The following CSMD2 variants were observed in gnomAD, a reference collection of about 807,000 sequenced individuals.
CSMD2 encodes CUB and Sushi multiple domains 2, also known as CUB and sushi domain-containing protein 2.
In CSMD2, 130 loss-of-function variants were observed where a neutral mutation model predicts 398.5. The observed-to-expected ratio is 0.33, with a 90% CI of 0.28 to 0.38. CSMD2 has a LOEUF of 0.38. Ranked by LOEUF, CSMD2 falls within the 10% of genes least tolerant of loss-of-function variation. The pLI is 1.00. For missense variants in CSMD2, 3,829 were observed against 4,764.9 expected, an observed-to-expected ratio of 0.80 and a Z score of 5.78; for synonymous variants, 1,828 against 1,908.5, an observed-to-expected ratio of 0.96 and a Z score of 1.10.
At chr1:33,912,918 T>A (rs1643534830) in intron 5 of CSMD2, among the ~76,000 whole-genome samples, 1 of 152,180 alleles carries the variant, frequency 6.6e-6, no homozygotes, top group Non-Finnish European at 1.5e-5. Flanking sequence ...GCTCAGGTGA[T>A]CCTCCCACCT....
rs542200791 is a variant in CSMD2 at position 33,519,315 on chromosome 1, G to T, written c.*53+150C>A. 482 of 591,886 alleles carry T rather than the reference G, an allele frequency of 8.1e-4. 3 individuals carry two copies. The highest frequency in any genetic ancestry group is 9.0e-4 in the Middle Eastern group (2 of 2,210). 36.7% of individuals were successfully genotyped at this position (591,886 alleles called of 1,614,324 possible). On this transcript the variant is annotated intron_variant, in intron 70 of 70. Coordinates refer to ENST00000373381, the MANE Select transcript of CSMD2 (RefSeq NM_001281956.2). This position sits in a 1 kb window ranked among gnomAD's most constrained non-coding sequence, Gnocchi z 5.6. The stretch of plus-strand genomic sequence containing the variant: ...AGATCCACAAAGGGCCTGGTTCAGT[G>T]CCTGTTACACAATGATGCTCAATGC...
At chr1:33,806,040 T>G (rs759148256) in intron 10 of CSMD2, among the ~76,000 whole-genome samples, 1 of 152,040 alleles carries the variant, frequency 6.6e-6, no homozygotes, top group Non-Finnish European at 1.5e-5. Flanking sequence ...TCAATATAGC[T>G]TCACTTTTCA....
At chr1:33,711,193 G>T (rs565022317) in intron 21 of CSMD2, among the ~76,000 whole-genome samples, 9 of 152,224 alleles carry the variant, frequency 5.9e-5, no homozygotes, top group Non-Finnish European at 1.3e-4. Flanking sequence ...GGATTTGTCG[G>T]GGGGAGGGGG....
intron 49 of CSMD2, among the ~76,000 whole-genome samples, chr1:33,577,006 G>A (rs1337999297): frequency 1.3e-5 from 2 of 152,118 alleles, no homozygotes; most frequent in Non-Finnish European, 2.9e-5. Flanking sequence ...AGCTGGCCAG[G>A]AGGAAGCAGA....
chr1:34,159,944 G>C (rs1641179019), intron 1 of CSMD2, among the ~76,000 whole-genome samples: 1 of 152,198 alleles, frequency 6.6e-6, no homozygotes, highest in Non-Finnish European at 1.5e-5. Context: ...AAAAACTCAG[G>C]AATTACTTGT....
rs572802965 is a variant in CSMD2, at chr1:33,934,260, G to A, written c.712+1500C>T. 3.9e-5 allele frequency among the ~76,000 whole-genome samples: 6 copies of A among 152,304 alleles called. No individual in the cohort carries two copies. The East Asian group carries it at 1.2e-3, about 29-fold the overall frequency. ...CCCAGACTGATATATGGATGTTCAG[G>A]ATCCATGGAATTTAGAGATGAGCGT... is the stretch of plus-strand genomic sequence containing the variant. On this transcript the variant is annotated intron_variant, in intron 4 of 70. Coordinates refer to ENST00000373381, the MANE Select transcript of CSMD2 (RefSeq NM_001281956.2).
intron 5 of CSMD2, chr1:33,869,376 G>A (rs1640284170): frequency 6.6e-6 from 1 of 152,194 alleles, no homozygotes; most frequent in Non-Finnish European, 1.5e-5. Flanking sequence ...AACCAAATGT[G>A]GGAACTGTGA....
intron 3 of CSMD2, among the ~76,000 whole-genome samples, chr1:33,956,453 A>G (rs993116956): frequency 6.6e-6 from 1 of 152,150 alleles, no homozygotes; most frequent in Non-Finnish European, 1.5e-5. Context: ...TTCACTTCGC[A>G]TAATGTCCTT....
At chr1:33,679,919 C>CTTTTTTTTTTT (rs11415719) in intron 25 of CSMD2, among the ~76,000 whole-genome samples, 2 of 144,090 alleles carry the variant, frequency 1.4e-5, no homozygotes, top group Non-Finnish European at 1.5e-5. Flanking sequence ...TTGAATTTTA[C>CTTTTTTTTTTT]TTTTTTTTTT....
intron 51 of CSMD2, 70 bp from the exon 52 acceptor site, chr1:33,569,617 G>A: frequency 6.7e-7 from 1 of 1,483,172 alleles, no homozygotes; most frequent in Admixed American, 1.9e-5. Context: ...TGCTTAGCAA[G>A]AACTGTGACA....
At chr1:33,564,093 A>G (rs1313290694) in intron 53 of CSMD2, among the ~76,000 whole-genome samples, 1 of 150,570 alleles carries the variant, frequency 6.6e-6, no homozygotes, top group Non-Finnish European at 1.5e-5. Flanking sequence ...CATCATCATC[A>G]TCACACAACA....
At chr1:33,816,065 C>G (rs1345917755) in intron 9 of CSMD2, among the ~76,000 whole-genome samples, 1 of 152,026 alleles carries the variant, frequency 6.6e-6, no homozygotes, top group Non-Finnish European at 1.5e-5. Context: ...TGTTTTACTG[C>G]CCTTTTACAG....
intron 13 of CSMD2, among the ~76,000 whole-genome samples, chr1:33,764,085 C>T (rs1438246719): frequency 6.6e-6 from 1 of 152,144 alleles, no homozygotes; most frequent in Non-Finnish European, 1.5e-5. Context: ...CCAGAATCTT[C>T]CTTCCCCCAT....
chr1:33,947,276 A>C (rs1332124469), intron 3 of CSMD2, among the ~76,000 whole-genome samples: 2 of 152,052 alleles, frequency 1.3e-5, no homozygotes, highest in African/African-American at 4.8e-5. Flanking sequence ...CCAGGGTGGG[A>C]GCCCTGCTCT....
intron 4 of CSMD2, among the ~76,000 whole-genome samples, chr1:33,923,803 A>C (rs1468367685): frequency 6.6e-6 from 1 of 152,186 alleles, no homozygotes; most frequent in Non-Finnish European, 1.5e-5. Context: ...CCTGGGCTGC[A>C]CAGCAGGAGG....
At chr1:33,834,206 C>G (rs1453410978) in intron 6 of CSMD2, among the ~76,000 whole-genome samples, 1 of 99,898 alleles carries the variant, frequency 1.0e-5, no homozygotes, top group Non-Finnish European at 1.9e-5. Context: ...AATCCTAAGC[C>G]AAAAGAACAA....
intron 10 of CSMD2, among the ~76,000 whole-genome samples, chr1:33,803,596 A>T (rs1350430426): frequency 2.0e-5 from 3 of 152,162 alleles, no homozygotes; most frequent in Non-Finnish European, 4.4e-5. Flanking sequence ...ACAATATTGA[A>T]TAAGACCTCT....
At chr1:33,746,058 G>GT (rs1042383222) in intron 13 of CSMD2, among the ~76,000 whole-genome samples, 12 of 152,092 alleles carry the variant, frequency 7.9e-5, no homozygotes, top group Admixed American at 7.9e-4. Context: ...CCCCCACCAT[G>GT]TCTCTCAGTA....
chr1:33,599,839 G>T (rs1570892580), intron 44 of CSMD2: 1 of 293,040 alleles, frequency 3.4e-6, no homozygotes, highest in Non-Finnish European at 6.3e-6. Flanking sequence ...GTTGCTTCCT[G>T]TTTCTTTCAC....
Sources: gnomAD v4.1 joint callset for allele counts (sites outside exome capture counted in the v4.1 genomes callset) on GRCh38, gnomAD v4.1.1 for gene constraint, Gnocchi (gnomAD v3.1) non-coding constraint, MANE v1.5 for transcripts, NCBI Gene and HGNC (gene_info 2026-07-23, HGNC 2026-07-21) for gene names.